The following NMBR variants were observed in gnomAD, a reference collection of about 807,000 sequenced individuals.
The protein encoded by NMBR is neuromedin B receptor.
In NMBR, 16 loss-of-function variants were observed where a neutral mutation model predicts 20.5. The ratio of observed to expected loss-of-function variants is 0.78; its 90% confidence interval spans 0.53 to 1.19. NMBR has a LOEUF of 1.19. Among genes scored for constraint, NMBR ranks in the 50% most tolerant of loss-of-function variants. The pLI is 0.00. For synonymous variants in NMBR, 212 were observed against 196.6 expected (o/e 1.08, Z -0.65); for missense variants, 582 against 499.1 (o/e 1.17, Z -1.58).
intron 2 of NMBR, among the ~76,000 whole-genome samples, chr6:142,085,061 A>C (rs555948165): frequency 2.2e-4 from 34 of 152,178 alleles, no homozygotes; most frequent in Non-Finnish European, 4.4e-4. Context: ...AATAATAAAA[A>C]ATTGAGACTA....
chr6:142,134,552 T>C, intron 1 of NMBR: 1 of 570,510 alleles, frequency 1.8e-6, no homozygotes. Flanking sequence ...TTACAACTAG[T>C]TATTGTCCTG....
chr6:142,146,484 G>A (rs1312407345), intron 1 of NMBR, among the ~76,000 whole-genome samples: 2 of 152,104 alleles, frequency 1.3e-5, no homozygotes, highest in Admixed American at 6.6e-5. Flanking sequence ...AGGGTAGAAG[G>A]AAAAGTGATG....
intron 1 of NMBR, among the ~76,000 whole-genome samples, chr6:142,125,750 G>A (rs531994709): frequency 2.0e-5 from 3 of 151,842 alleles, no homozygotes; most frequent in East Asian, 1.9e-4. Context: ...ATAATTATAG[G>A]TATTTAAGGT....
At chr6:142,096,200 A>G (rs9496264) in intron 1 of NMBR, among the ~76,000 whole-genome samples, 94,033 of 151,804 alleles carry the variant, frequency 0.62, 30,488 homozygotes, top group East Asian at 0.84. Context: ...GCTAGCTTTT[A>G]AATGTGTTTG....
At chr6:142,137,819 C>G (rs1338143520) in intron 1 of NMBR, among the ~76,000 whole-genome samples, 1 of 152,072 alleles carries the variant, frequency 6.6e-6, no homozygotes, top group Non-Finnish European at 1.5e-5. Context: ...GCATATTGAA[C>G]CAGCCTTGCA....
chr6:142,076,932 G>A (rs1350397026), intron 3 of NMBR, among the ~76,000 whole-genome samples: 1 of 152,136 alleles, frequency 6.6e-6, no homozygotes, highest in Admixed American at 6.6e-5. Flanking sequence ...GAAAGGTTTG[G>A]GATTGGAACA....
intron 1 of NMBR, among the ~76,000 whole-genome samples, chr6:142,094,101 G>T (rs1777394058): frequency 1.3e-5 from 2 of 151,918 alleles, no homozygotes; most frequent in Admixed American, 1.3e-4. Context: ...TCTGTAGGTT[G>T]CCTGTTCACT....
At chr6:142,122,316 G>C (rs1777957917) in intron 1 of NMBR, among the ~76,000 whole-genome samples, 1 of 151,924 alleles carries the variant, frequency 6.6e-6, no homozygotes, top group African/African-American at 2.4e-5. Flanking sequence ...AAAAGTTTGA[G>C]GCTAGCAGAG....
intron 1 of NMBR, among the ~76,000 whole-genome samples, chr6:142,133,436 GA>G (rs943300537): frequency 6.6e-6 from 1 of 152,046 alleles, no homozygotes; most frequent in Non-Finnish European, 1.5e-5. Flanking sequence ...AGAAGCAGAG[GA>G]AAAAAGCTTT....
intron 1 of NMBR, among the ~76,000 whole-genome samples, chr6:142,099,710 A>G (rs1052728557): frequency 6.6e-6 from 1 of 152,214 alleles, no homozygotes; most frequent in Non-Finnish European, 1.5e-5. Context: ...TATACTTAAT[A>G]ACTTATTCAA....
chr6:142,092,287 CAA>C lies in NMBR; in HGVS notation c.-663-2968_-663-2967del, dbSNP rs1777340565. Among the ~76,000 whole-genome samples the C allele has an allele frequency of 3.3e-5, 5 of 152,108 alleles. No individual in the cohort carries two copies. In the South Asian group the frequency reaches 1.0e-3, roughly 32 times the overall value. On this transcript the variant is annotated intron_variant, in intron 1 of 3. Coordinates refer to ENST00000258042, the MANE Select transcript of NMBR (RefSeq NM_002511.4). ...AGTCAGCTGCATGTAGATAAGGAAA[CAA>C]CACTCAAATGTGTATTGCAACAAAT...
chr6:142,131,219 T>C (rs764769399), intron 1 of NMBR, among the ~76,000 whole-genome samples: 2 of 152,180 alleles, frequency 1.3e-5, no homozygotes, highest in Non-Finnish European at 2.9e-5. Flanking sequence ...TTTGGCATCC[T>C]GTAATGAAAG....
chr6:142,103,846 T>C (rs6570495), intron 1 of NMBR, among the ~76,000 whole-genome samples: 97,897 of 152,024 alleles, frequency 0.64, 33,395 homozygotes, highest in East Asian at 0.88. Flanking sequence ...ATAAACCAAT[T>C]AATCAATCTT....
At position 142,147,079 on chromosome 6, in the gene NMBR, G is replaced by A. The variant is rs537083760; in HGVS notation, c.-699C>T. 5 of 567,418 alleles carry A rather than the reference G, an allele frequency of 8.8e-6. No homozygotes were observed. The highest frequency in any genetic ancestry group is 1.6e-5 in the Non-Finnish European group (5 of 316,190). 35.1% of individuals were successfully genotyped at this position (567,418 alleles called of 1,614,324 possible). On this transcript the variant is annotated 5_prime_UTR_variant, in exon 1 of 4. Transcript: ENST00000258042. Reference sequence around the variant, plus strand: ...CGCTAGCGCCATGCGCGGCATAAGCGCCAAAATGCTCGGGTCTTCTGTGGG... The same window carrying A: ...CGCTAGCGCCATGCGCGGCATAAGCACCAAAATGCTCGGGTCTTCTGTGGG...
chr6:142,090,974 C>T (rs995323811), intron 1 of NMBR, among the ~76,000 whole-genome samples: 4 of 152,010 alleles, frequency 2.6e-5, no homozygotes, highest in African/African-American at 9.7e-5. Context: ...ATTGTAGAAA[C>T]AAGCCATCTG....
rs1776910090 is a variant in NMBR, at chr6:142,075,339, A to T, written c.*309T>A. Among the ~76,000 whole-genome samples the T allele has an allele frequency of 6.6e-6, 1 of 152,118 alleles. No homozygotes were observed. The highest frequency in any genetic ancestry group is 1.9e-4 in the East Asian group (1 of 5,192). ...AGCAATGTTAAATTATACATATTGCATTGGTTTGGGGATCATCTTAAATGT... is the reference window on the plus strand; with the variant it reads ...AGCAATGTTAAATTATACATATTGCTTTGGTTTGGGGATCATCTTAAATGT... On this transcript the variant is annotated 3_prime_UTR_variant, in exon 4 of 4. Coordinates refer to ENST00000258042, the MANE Select transcript of NMBR (RefSeq NM_002511.4).
chr6:142,104,871 C>A (rs182691865), intron 1 of NMBR, among the ~76,000 whole-genome samples: 1 of 152,142 alleles, frequency 6.6e-6, no homozygotes, highest in African/African-American at 2.4e-5. Context: ...TGGGTGAAGG[C>A]GGGCTGAGTC....
chr6:142,098,717 G>T lies in NMBR; in HGVS notation c.-663-9396C>A, dbSNP rs547995510. 3.9e-5 allele frequency among the ~76,000 whole-genome samples: 6 copies of T among 152,220 alleles called. No homozygotes were observed. The South Asian group carries it at 1.2e-3, about 32-fold the overall frequency. On this transcript the variant is annotated intron_variant, in intron 1 of 3. Transcript: ENST00000258042. ...CATATTCATGGATTGGAAAACTCAA[G>T]TTTTCCTTGTCAAGTTGTAAGTTCT...
chr6:142,130,263 A>G (rs1183458007), intron 1 of NMBR, among the ~76,000 whole-genome samples: 1 of 152,142 alleles, frequency 6.6e-6, no homozygotes, highest in Non-Finnish European at 1.5e-5. Flanking sequence ...TTTGCAGGAA[A>G]AACTTGGAGA....
Sources: allele counts gnomAD v4.1 joint callset (sites outside exome capture counted in the v4.1 genomes callset), GRCh38; gene constraint gnomAD v4.1.1; transcripts MANE v1.5; gene names NCBI Gene and HGNC (gene_info 2026-07-23, HGNC 2026-07-21).